USP32: variants seen among roughly 807,000 people sequenced by gnomAD.
USP32 encodes ubiquitin carboxyl-terminal hydrolase 32.
Under a neutral mutation model 204.8 loss-of-function variants are expected in USP32, and 59 were observed. The ratio of observed to expected loss-of-function variants is 0.29; its 90% confidence interval spans 0.23 to 0.36. The LOEUF is 0.36. USP32 is among the 10% of genes least tolerant of loss of function. The probability of loss-of-function intolerance (pLI) is 1.00; values close to 1 mark genes in which losing one functional copy is unlikely to be tolerated. For missense variants in USP32, 1,160 were observed against 1,946.4 expected (o/e 0.60, Z 7.60); for synonymous variants, 517 against 678.4 (o/e 0.76, Z 3.70).
chr17:60,232,812 G>C (rs1373083479), intron 12 of USP32, among the ~76,000 whole-genome samples: 2 of 151,292 alleles, frequency 1.3e-5, no homozygotes, highest in African/African-American at 4.9e-5. Flanking sequence ...ATCCCAAAGT[G>C]CTGGGATAAT....
At chr17:60,361,644 G>C (rs1336560836) in intron 1 of USP32, among the ~76,000 whole-genome samples, 1 of 152,078 alleles carries the variant, frequency 6.6e-6, no homozygotes, top group South Asian at 2.1e-4. Context: ...CTATTGCTTA[G>C]TAGTTTCTAC....
chr17:60,247,166 T>A (rs930303200), intron 11 of USP32, among the ~76,000 whole-genome samples: 1 of 151,912 alleles, frequency 6.6e-6, no homozygotes, highest in Non-Finnish European at 1.5e-5. Flanking sequence ...TAGATTTAAG[T>A]CTTTGAATCC....
intron 1 of USP32, among the ~76,000 whole-genome samples, chr17:60,399,420 CA>C (rs1297265846): frequency 6.6e-6 from 1 of 151,910 alleles, no homozygotes. Context: ...TTTGGGAGGC[CA>C]AGGCGGGAGG....
chr17:60,371,091 T>A (rs1364668879), intron 1 of USP32, among the ~76,000 whole-genome samples: 1 of 151,148 alleles, frequency 6.6e-6, no homozygotes, highest in East Asian at 1.9e-4. Context: ...AATAAATTAA[T>A]TAATTAAAAA....
Position 60,185,611 on chromosome 17 carries a change from G to A in USP32, c.3683C>T (p.Ala1228Val), listed in dbSNP as rs1232054687. The change falls in exon 30 of 34, where the codon GCG becomes GTG. Residue 1228 changes from alanine to valine, a missense_variant. Coordinates refer to ENST00000300896, the MANE Select transcript of USP32 (RefSeq NM_032582.4). ...GTCCAGGTTGATGGGCTCGGCTTGC[G>A]CTCGCCGACTCTGCTCCACACTCTC... ...EHESVEQSRR[A>V]QAEPINLDSC... The A allele has an allele frequency of 8.1e-6, 13 of 1,611,754 alleles. No individual in the cohort carries two copies. Among genetic ancestry groups the A allele is most frequent in the South Asian group, 3.3e-5 (3 of 90,984 alleles).
In USP32 at chr17:60,223,590, T is replaced by C; in HGVS notation, c.1433-4A>G. On this transcript the variant is annotated splice_polypyrimidine_tract_variant and splice_region_variant and intron_variant, in intron 13 of 33. Transcript: ENST00000300896. ...GGTGTGGCAGAATACAGAAAGCCTA[T>C]AAAAAAAAAAGAGGATAGAATCTCT... The C allele has an allele frequency of 7.7e-7, 1 of 1,297,644 alleles. No individual in the cohort carries two copies. The highest frequency in any genetic ancestry group is 1.5e-5 in the South Asian group (1 of 67,872). 80.4% of individuals were successfully genotyped at this position (1,297,644 alleles called of 1,614,324 possible). A position where few individuals can be genotyped will look rare whatever the true frequency, so the allele number is the denominator to read the frequency against.
chr17:60,234,845 G>C (rs1375231220), intron 12 of USP32, among the ~76,000 whole-genome samples: 1 of 151,912 alleles, frequency 6.6e-6, no homozygotes, highest in Non-Finnish European at 1.5e-5. Flanking sequence ...TCAAAGTCCC[G>C]AGATTACAGG....
At chr17:60,337,880 A>G (rs1236176188) in intron 2 of USP32, among the ~76,000 whole-genome samples, 1 of 151,410 alleles carries the variant, frequency 6.6e-6, no homozygotes, top group Non-Finnish European at 1.5e-5. Context: ...AGACGGTCTC[A>G]AGATTTACAT....
rs1307142086 is a variant in USP32, at chr17:60,392,122, T to C, written c.-183A>G. ...CTCCCGGTCGCCGCCACCGCCTCCA[T>C]GCCGGATCACGTGACTCTTCCGCCC... On this transcript the variant is annotated 5_prime_UTR_variant, in exon 1 of 34. The change abolishes an upstream ATG in the 5' untranslated region. Transcript: ENST00000300896. The C allele has an allele frequency of 2.3e-5, 13 of 567,384 alleles. No individual in the cohort carries two copies. Among genetic ancestry groups the C allele is most frequent in the East Asian group, 1.3e-4 (4 of 29,774 alleles). 35.1% of individuals were successfully genotyped at this position (567,384 alleles called of 1,614,324 possible).
chr17:60,280,634 G>T (rs989655436), intron 5 of USP32, among the ~76,000 whole-genome samples: 3 of 152,026 alleles, frequency 2.0e-5, no homozygotes, highest in African/African-American at 7.3e-5. Context: ...AGATACCTTG[G>T]CTCATTACAC....
intron 2 of USP32, among the ~76,000 whole-genome samples, chr17:60,329,127 A>G (rs1057247576): frequency 1.3e-5 from 2 of 152,268 alleles, no homozygotes; most frequent in African/African-American, 2.4e-5. Flanking sequence ...ATGTATAATT[A>G]TTAAGTAAAT....
At chr17:60,304,186 T>C (rs1356649567) in intron 2 of USP32, among the ~76,000 whole-genome samples, 2 of 151,236 alleles carry the variant, frequency 1.3e-5, no homozygotes, top group East Asian at 3.9e-4. Context: ...AAAAACAAAA[T>C]TACATTAAAA....
chr17:60,209,694 T>A, intron 21 of USP32, 151 bp from the exon 22 acceptor site: 1 of 735,974 alleles, frequency 1.4e-6, no homozygotes, highest in Non-Finnish European at 2.0e-6. Context: ...TGGATAATCA[T>A]GAAATCTTTT....
At chr17:60,200,190 G>T in intron 26 of USP32, among the ~76,000 whole-genome samples, 1 of 149,326 alleles carries the variant, frequency 6.7e-6, no homozygotes, top group Admixed American at 6.7e-5. Context: ...GCAAGACTCT[G>T]TCTCAACCAA....
chr17:60,342,411 C>T (rs762380488), intron 2 of USP32, among the ~76,000 whole-genome samples: 52 of 152,212 alleles, frequency 3.4e-4, no homozygotes, highest in Non-Finnish European at 6.5e-4. Flanking sequence ...ACAGTCTGTC[C>T]GTTCTCAGAG....
chr17:60,250,813 A>G (rs1390249178), intron 11 of USP32, among the ~76,000 whole-genome samples: 2 of 152,122 alleles, frequency 1.3e-5, no homozygotes, highest in African/African-American at 2.4e-5. Flanking sequence ...AGAAAATAAA[A>G]CCAACAAACA....
At chr17:60,421,959 G>A (rs2090122931) in intron 1 of USP32, 35 of 985,110 alleles carry the variant, frequency 3.6e-5, no homozygotes, top group Non-Finnish European at 4.2e-5. Context: ...TACAGAGCCC[G>A]TAGGCACTGG....
At chr17:60,352,653 T>C (rs773424755) in intron 1 of USP32, among the ~76,000 whole-genome samples, 10 of 152,200 alleles carry the variant, frequency 6.6e-5, no homozygotes, top group Admixed American at 2.6e-4. Flanking sequence ...TTGGTGTCGA[T>C]GCAATAAACA....
At chr17:60,225,852 G>T (rs1186675739) in intron 13 of USP32, among the ~76,000 whole-genome samples, 187 bp downstream of exon 13, 1 of 152,084 alleles carries the variant, frequency 6.6e-6, no homozygotes, top group African/African-American at 2.4e-5. Flanking sequence ...TACTCAGGAG[G>T]CTGAGGCAGG....
Sources: gnomAD v4.1 joint callset for allele counts (sites outside exome capture counted in the v4.1 genomes callset) on GRCh38, gnomAD v4.1.1 for gene constraint, MANE v1.5 for transcripts, NCBI Gene and HGNC (gene_info 2026-07-23, HGNC 2026-07-21) for gene names.